EPHB2: variants seen among roughly 807,000 people sequenced by gnomAD.
The protein encoded by EPHB2 is EPH receptor B2, also known as ephrin type-B receptor 2.
In EPHB2, 18 loss-of-function variants were observed where a neutral mutation model predicts 96.4. The observed-to-expected ratio is 0.19, with a 90% CI of 0.13 to 0.28. The LOEUF (loss-of-function observed/expected upper bound fraction) is 0.28, where lower values mean the gene tolerates loss of function less well. Ranked by LOEUF, EPHB2 falls within the 10% of genes least tolerant of loss-of-function variation. The pLI, the probability that EPHB2 is intolerant of heterozygous loss-of-function variation, is 1.00. For missense variants in EPHB2, 989 were observed against 1,355.4 expected (o/e 0.73, Z 4.25); for synonymous variants, 506 against 534.1 (o/e 0.95, Z 0.72).
chr1:22,777,455 G>A (rs1263124578), intron 1 of EPHB2, among the ~76,000 whole-genome samples: 2 of 152,190 alleles, frequency 1.3e-5, no homozygotes, highest in Non-Finnish European at 2.9e-5. Context: ...GGATTGGACG[G>A]GAGACGTCTG....
chr1:22,778,665 G>C (rs534031373), intron 1 of EPHB2, among the ~76,000 whole-genome samples: 1 of 152,336 alleles, frequency 6.6e-6, no homozygotes, highest in South Asian at 2.1e-4. Context: ...CGTTCCCTTT[G>C]TGTCTGCAAA....
chr1:22,723,310 C>T (rs776649192), intron 1 of EPHB2, among the ~76,000 whole-genome samples: 8 of 152,252 alleles, frequency 5.3e-5, no homozygotes, highest in Admixed American at 3.3e-4. Context: ...TTGGAACCCA[C>T]GAAAGGCCAT....
intron 1 of EPHB2, among the ~76,000 whole-genome samples, chr1:22,729,177 C>A (rs1314785553): frequency 6.6e-6 from 1 of 152,206 alleles, no homozygotes; most frequent in Non-Finnish European, 1.5e-5. Flanking sequence ...AGACCTTGGG[C>A]AGCAAGTAGA....
intron 3 of EPHB2, among the ~76,000 whole-genome samples, chr1:22,828,623 C>T (rs1340359451): frequency 1.3e-5 from 2 of 152,158 alleles, no homozygotes; most frequent in Non-Finnish European, 2.9e-5. Context: ...GACAGGCTCA[C>T]GTGACATCAC....
chr1:22,880,538 G>GTCTCGGGCCCA (rs1639004141), intron 5 of EPHB2, among the ~76,000 whole-genome samples: 34 of 152,274 alleles, frequency 2.2e-4, no homozygotes, highest in Middle Eastern at 3.2e-3. Flanking sequence ...AGAGAAGCAA[G>GTCTCGGGCCCA]GAGGCTTGCC....
rs1167223107 is a variant in EPHB2 at position 22,912,528 on chromosome 1, G to C, written c.2781G>C (p.Met927Ile). ...TVDEWLEAIK[M>I]GQYKESFANA... The stretch of plus-strand genomic sequence containing the variant: ...ACGAGTGGCTGGAGGCCATCAAGAT[G>C]GGGCAGTACAAGGAGAGCTTCGCCA... The change falls in exon 15 of 16, where the codon ATG becomes ATC. Residue 927 changes from methionine (M) to isoleucine (I), a missense_variant. By Grantham distance (10) the Met-to-Ile change is conservative. Coordinates refer to ENST00000374630, the MANE Select transcript of EPHB2 (RefSeq NM_017449.5). 1 of 1,613,992 alleles carries C rather than the reference G, an allele frequency of 6.2e-7. No homozygotes were observed. The highest frequency in any genetic ancestry group is 1.6e-4 in the Middle Eastern group (1 of 6,084).
chr1:22,912,937 G>A (rs148667683), intron 15 of EPHB2: 2 of 380,722 alleles, frequency 5.3e-6, no homozygotes, highest in Non-Finnish European at 1.0e-5. Flanking sequence ...GCTCATGCCT[G>A]TAATCTTAGT....
intron 1 of EPHB2, among the ~76,000 whole-genome samples, chr1:22,736,641 G>T (rs902507879): frequency 1.4e-4 from 21 of 152,218 alleles, no homozygotes; most frequent in African/African-American, 5.1e-4. Flanking sequence ...TTGAGGGTGG[G>T]GGCAGCCTCC....
intron 1 of EPHB2, among the ~76,000 whole-genome samples, chr1:22,730,766 A>G (rs899049020): frequency 2.0e-5 from 3 of 152,022 alleles, no homozygotes; most frequent in Non-Finnish European, 1.5e-5. Flanking sequence ...ACACAGAGGG[A>G]CCAGCCATGG....
At chr1:22,799,474 A>G (rs1188259441) in intron 3 of EPHB2, among the ~76,000 whole-genome samples, 1 of 152,202 alleles carries the variant, frequency 6.6e-6, no homozygotes, top group African/African-American at 2.4e-5. Flanking sequence ...TCAGTAATAA[A>G]TGGAATATGA....
intron 3 of EPHB2, among the ~76,000 whole-genome samples, chr1:22,807,055 C>T (rs187113656): frequency 3.6e-4 from 55 of 152,374 alleles, no homozygotes; most frequent in African/African-American, 1.3e-3. Flanking sequence ...CTGGGGTGGC[C>T]TGGCACATGT....
At chr1:22,716,748 T>A (rs1314581292) in intron 1 of EPHB2, among the ~76,000 whole-genome samples, 1 of 152,214 alleles carries the variant, frequency 6.6e-6, no homozygotes, top group Non-Finnish European at 1.5e-5. Context: ...ACTGGACCTC[T>A]GCACATAGAA....
At chr1:22,763,661 T>C (rs1644266455) in intron 1 of EPHB2, among the ~76,000 whole-genome samples, 2 of 152,158 alleles carry the variant, frequency 1.3e-5, no homozygotes. Context: ...CGACTGAGGA[T>C]GGTCTGTTAG....
At chr1:22,766,260 C>T (rs754882042) in intron 1 of EPHB2, among the ~76,000 whole-genome samples, 1 of 152,190 alleles carries the variant, frequency 6.6e-6, no homozygotes, top group Non-Finnish European at 1.5e-5. Flanking sequence ...GTTTCCTCAT[C>T]TGTGAAATGG....
intron 1 of EPHB2, among the ~76,000 whole-genome samples, chr1:22,759,785 G>A (rs1488876816): frequency 6.6e-6 from 1 of 152,160 alleles, no homozygotes; most frequent in Non-Finnish European, 1.5e-5. Context: ...CTCACAAGGG[G>A]GACAATTAGC....
chr1:22,864,256 G>A (rs1453686126), intron 4 of EPHB2, among the ~76,000 whole-genome samples: 4 of 152,044 alleles, frequency 2.6e-5, no homozygotes, highest in Non-Finnish European at 5.9e-5. Flanking sequence ...ATGTTGGCCA[G>A]GCTGGTCTTG....
At position 22,860,676 on chromosome 1, in the gene EPHB2, AGG is replaced by A. The variant is rs1157363720; in HGVS notation, c.812-2359_812-2358del. Among the ~76,000 whole-genome samples the A allele has an allele frequency of 6.6e-6, 1 of 152,130 alleles. No individual in the cohort carries two copies. The highest frequency in any genetic ancestry group is 1.5e-5 in the Non-Finnish European group (1 of 68,020). ...TGAGCTGGGCAGGCTGTCTCCAGAG[AGG>A]GAGCAGGAGGAGCCTGATCTTGGGG... On this transcript the variant is annotated intron_variant, in intron 3 of 15. Coordinates refer to ENST00000374630, the MANE Select transcript of EPHB2 (RefSeq NM_017449.5). The surrounding 1 kb of genome is among the most constrained non-coding windows in gnomAD (Gnocchi z 4.6).
intron 5 of EPHB2, among the ~76,000 whole-genome samples, chr1:22,874,552 C>T (rs1239037889): frequency 6.6e-6 from 1 of 152,226 alleles, no homozygotes; most frequent in Non-Finnish European, 1.5e-5. Flanking sequence ...TACAGTCAGA[C>T]AGACCTGGGT....
In EPHB2 at chr1:22,782,606, G is replaced by T. The variant is rs568775713; in HGVS notation, c.126+1121G>T. ...GCCAGTAATGAGGCCAGGCTGGGCT[G>T]CAGGGCCCCCGGACGCAATTATTTG... On this transcript the variant is annotated intron_variant, in intron 2 of 15. Transcript: ENST00000374630. 2.7e-4 allele frequency among the ~76,000 whole-genome samples: 41 copies of T among 152,284 alleles called. 1 individual carries two copies. In the East Asian group the frequency reaches 7.7e-3, roughly 29 times the overall value.
Sources: gnomAD v4.1 joint callset for allele counts (sites outside exome capture counted in the v4.1 genomes callset) on GRCh38, gnomAD v4.1.1 for gene constraint, Gnocchi (gnomAD v3.1) non-coding constraint, MANE v1.5 for transcripts, NCBI Gene and HGNC (gene_info 2026-07-23, HGNC 2026-07-21) for gene names.